The following SPAG16 variants were observed in gnomAD, a reference collection of about 807,000 sequenced individuals.
SPAG16 encodes the protein sperm-associated antigen 16 protein.
A neutral mutation model predicts 80.4 loss-of-function variants in SPAG16; 86 were observed. The observed-to-expected ratio is 1.07, with a 90% CI of 0.90 to 1.28. The LOEUF (loss-of-function observed/expected upper bound fraction) is 1.28, where lower values mean the gene tolerates loss of function less well. SPAG16 is among the 50% of genes most tolerant of loss of function. SPAG16 has a pLI of 0.00. For synonymous variants in SPAG16, 294 were observed against 265.9 expected, an observed-to-expected ratio of 1.11 and a Z score of -1.03; for missense variants, 870 against 765.3, an observed-to-expected ratio of 1.14 and a Z score of -1.61.
chr2:213,454,399 A>T (rs1441548505), intron 9 of SPAG16, among the ~76,000 whole-genome samples: 1 of 152,174 alleles, frequency 6.6e-6, no homozygotes, highest in Non-Finnish European at 1.5e-5. Flanking sequence ...TAGGATAATA[A>T]CAAGATTATA....
chr2:213,431,507 GAA>G (rs577900186), intron 9 of SPAG16, among the ~76,000 whole-genome samples: 3,540 of 150,910 alleles, frequency 0.023, 57 homozygotes, highest in South Asian at 0.038. Context: ...TAAAAAAAAA[GAA>G]AAAGTCATTA....
chr2:214,364,226 G>A (rs912852493), intron 15 of SPAG16, among the ~76,000 whole-genome samples: 10 of 151,894 alleles, frequency 6.6e-5, no homozygotes, highest in African/African-American at 2.4e-4. Context: ...AGTAATGTCG[G>A]ACATATACCA....
chr2:214,022,770 A>G (rs553685143), intron 13 of SPAG16, among the ~76,000 whole-genome samples: 1 of 152,128 alleles, frequency 6.6e-6, no homozygotes, highest in African/African-American at 2.4e-5. Context: ...AACTTGTGTC[A>G]TGTTCTTCAG....
chr2:213,752,577 A>G (rs942090346), intron 10 of SPAG16, among the ~76,000 whole-genome samples: 1 of 152,164 alleles, frequency 6.6e-6, no homozygotes, highest in Admixed American at 6.5e-5. Flanking sequence ...ATCTTTTCTC[A>G]TGGTCATTTA....
intron 9 of SPAG16, chr2:213,422,208 G>A (rs1218183681): frequency 4.3e-6 from 3 of 701,490 alleles, no homozygotes; most frequent in South Asian, 1.5e-5. Flanking sequence ...AGCCAGTGCT[G>A]TGACACCCTC....
At chr2:213,980,072 T>G (rs1353253076) in intron 12 of SPAG16, among the ~76,000 whole-genome samples, 2 of 151,526 alleles carry the variant, frequency 1.3e-5, no homozygotes, top group Non-Finnish European at 2.9e-5. Flanking sequence ...GAAAACTAAG[T>G]GTAGGCCAGG....
At chr2:213,376,114 G>A (rs1029299577) in intron 9 of SPAG16, among the ~76,000 whole-genome samples, 3 of 151,380 alleles carry the variant, frequency 2.0e-5, no homozygotes, top group African/African-American at 4.8e-5. Flanking sequence ...TTTCAGATTA[G>A]TGTTTTGTTG....
chr2:213,332,689 A>T (rs540821923), intron 5 of SPAG16, among the ~76,000 whole-genome samples: 3 of 152,306 alleles, frequency 2.0e-5, no homozygotes, highest in African/African-American at 7.2e-5. Flanking sequence ...ACCAAGTGGG[A>T]ATTATTCCAG....
chr2:213,957,814 T>C (rs2106342027), intron 12 of SPAG16, among the ~76,000 whole-genome samples: 1 of 152,332 alleles, frequency 6.6e-6, no homozygotes, highest in South Asian at 2.1e-4. Context: ...GTTATAGCAC[T>C]ATAATTTGAA....
chr2:213,663,857 T>A (rs1349352817), intron 10 of SPAG16, among the ~76,000 whole-genome samples: 4 of 152,072 alleles, frequency 2.6e-5, no homozygotes, highest in Admixed American at 6.6e-5. Flanking sequence ...ATTATCTTAG[T>A]GGGAAAAAGT....
chr2:213,334,788 A>G (rs2064270422), intron 5 of SPAG16, among the ~76,000 whole-genome samples: 1 of 152,130 alleles, frequency 6.6e-6, no homozygotes, highest in African/African-American at 2.4e-5. Context: ...GAGTAGAAGG[A>G]TGGTTGCCAG....
At chr2:214,164,400 G>A (rs541419049) in intron 15 of SPAG16, among the ~76,000 whole-genome samples, 53 of 152,210 alleles carry the variant, frequency 3.5e-4, no homozygotes, top group African/African-American at 1.1e-3. Context: ...CAGACACCTG[G>A]ATGAATTGAG....
chr2:214,270,212 G>T (rs544156491), intron 15 of SPAG16, among the ~76,000 whole-genome samples: 30 of 152,164 alleles, frequency 2.0e-4, no homozygotes, highest in Non-Finnish European at 3.8e-4. Context: ...AATTAGACAT[G>T]AAATGGTAAC....
chr2:214,309,805 G>A (rs1188508888), intron 15 of SPAG16, among the ~76,000 whole-genome samples: 2 of 152,176 alleles, frequency 1.3e-5, no homozygotes, highest in Admixed American at 6.5e-5. Flanking sequence ...CTGCAGCAAA[G>A]TGCAAGTGGA....
At chr2:213,867,926 C>CAAAAAAAAAAAAAAAAAAAA (rs35795865) in intron 11 of SPAG16, among the ~76,000 whole-genome samples, 2 of 45,890 alleles carry the variant, frequency 4.4e-5, no homozygotes, top group Non-Finnish European at 4.5e-5. Flanking sequence ...TCTGTCTCAA[C>CAAAAAAAAAAAAAAAAAAAA]AAAAAAAAAA....
At chr2:214,202,750 G>T (rs2058044193) in intron 15 of SPAG16, among the ~76,000 whole-genome samples, 2 of 152,092 alleles carry the variant, frequency 1.3e-5, no homozygotes, top group Admixed American at 6.6e-5. Context: ...AAGAGACAGA[G>T]AATTGAATCT....
intron 10 of SPAG16, among the ~76,000 whole-genome samples, chr2:213,806,231 T>G (rs2071761317): frequency 6.6e-6 from 1 of 152,156 alleles, no homozygotes; most frequent in Non-Finnish European, 1.5e-5. Flanking sequence ...ATACTTGCAA[T>G]GTGGGAGATT....
chr2:213,393,542 A>G (rs2067880116), intron 9 of SPAG16, among the ~76,000 whole-genome samples: 1 of 152,030 alleles, frequency 6.6e-6, no homozygotes, highest in African/African-American at 2.4e-5. Context: ...TATTGTTACA[A>G]TGTTCAGTTG....
At chr2:213,319,161 A>G (rs192670091) in intron 5 of SPAG16, among the ~76,000 whole-genome samples, 1 of 151,984 alleles carries the variant, frequency 6.6e-6, no homozygotes, top group Admixed American at 6.6e-5. Flanking sequence ...TTTTTATTAA[A>G]TATAGTTAAA....
Sources: allele counts gnomAD v4.1 joint callset (sites outside exome capture counted in the v4.1 genomes callset), GRCh38; gene constraint gnomAD v4.1.1; transcripts MANE v1.5; gene names NCBI Gene and HGNC (gene_info 2026-07-23, HGNC 2026-07-21).